TNFSF4: variants seen among roughly 807,000 people sequenced by gnomAD.
TNFSF4 encodes tumor necrosis factor ligand superfamily member 4.
Under a neutral mutation model 7.3 loss-of-function variants are expected in TNFSF4, and 4 were observed. The ratio of observed to expected loss-of-function variants is 0.55; its 90% CI spans 0.27 to 1.25. TNFSF4 has a LOEUF of 1.25. Among genes scored for constraint, TNFSF4 ranks in the 50% most tolerant of loss-of-function variants. TNFSF4 has a pLI of 0.12. For synonymous variants in TNFSF4, 76 were observed against 83.7 expected (o/e 0.91, Z 0.50); for missense variants, 181 against 208.8 (o/e 0.87, Z 0.82).
chr1:173,245,368 G>C, the TNFSF4 span, among the ~76,000 whole-genome samples: 2 of 152,010 alleles, frequency 1.3e-5, no homozygotes, highest in Non-Finnish European at 2.9e-5. Context: ...GATTATTCCA[G>C]GTTCCCTTGC....
At chr1:173,210,535 G>A (rs1650337716), upstream of TNFSF4, among the ~76,000 whole-genome samples, 1 of 152,200 alleles carries the variant, frequency 6.6e-6, no homozygotes, top group African/African-American at 2.4e-5. Context: ...AAGAGGCTCA[G>A]AAGAATCTGT....
At chr1:173,297,844 A>G in the TNFSF4 span, among the ~76,000 whole-genome samples, 1 of 151,958 alleles carries the variant, frequency 6.6e-6, no homozygotes, top group African/African-American at 2.4e-5. Context: ...TGGCCAACCA[A>G]CTGGGAAATG....
chr1:173,195,879 A>G (rs1157839081), intron 1 of TNFSF4, among the ~76,000 whole-genome samples: 5 of 152,168 alleles, frequency 3.3e-5, no homozygotes. Flanking sequence ...AGAGGGAAAC[A>G]CATCTGGAGT....
At chr1:173,414,701 G>T in the TNFSF4 span, among the ~76,000 whole-genome samples, 1 of 152,350 alleles carries the variant, frequency 6.6e-6, no homozygotes, top group Non-Finnish European at 1.5e-5. Flanking sequence ...GTGACTGTCT[G>T]CCAGTCAGCC....
chr1:173,268,990 T>C, the TNFSF4 span, among the ~76,000 whole-genome samples: 1 of 152,216 alleles, frequency 6.6e-6, no homozygotes, highest in South Asian at 2.1e-4. Context: ...GACGAAGTCA[T>C]TTTTCATGTC....
chr1:173,427,925 A>C, the TNFSF4 span, among the ~76,000 whole-genome samples: 1 of 151,690 alleles, frequency 6.6e-6, no homozygotes, highest in Non-Finnish European at 1.5e-5. Flanking sequence ...ATAACTAAGC[A>C]ATGGGAATCT....
Position 173,186,658 on chromosome 1 carries a change from G to T in TNFSF4, c.410C>A (p.Ser137Tyr). The change falls in exon 3 of 3, where the codon TCC becomes TAC. Residue 137 changes from serine (S) to tyrosine (Y), a missense_variant. Physicochemically the swap from Ser to Tyr is moderately radical, Grantham distance 144. Coordinates refer to ENST00000281834, the MANE Select transcript of TNFSF4 (RefSeq NM_003326.5). ...GTAAGTCAGAGAGGCCACCATCAAG[G>T]AGTTGACAGACCTGACCTTCTTCAG... The part of the protein sequence containing the change: ...FQLKKVRSVN[S>Y]LMVASLTYKD... 6.2e-7 allele frequency: 1 copy of T among 1,614,194 alleles called. No individual in the cohort carries two copies.
chr1:173,227,956 A>C, the TNFSF4 span, among the ~76,000 whole-genome samples: 1 of 152,216 alleles, frequency 6.6e-6, no homozygotes, highest in East Asian at 1.9e-4. Context: ...AACTGGGTGG[A>C]GACCACTGCA....
intron 1 of TNFSF4, among the ~76,000 whole-genome samples, chr1:173,206,508 C>T (rs1318472515): frequency 6.6e-6 from 1 of 152,112 alleles, no homozygotes; most frequent in Non-Finnish European, 1.5e-5. Context: ...AATGAGTGAG[C>T]ACATAGGCAC....
the TNFSF4 span, among the ~76,000 whole-genome samples, chr1:173,330,827 C>G: frequency 6.6e-6 from 1 of 151,610 alleles, no homozygotes; most frequent in East Asian, 1.9e-4. Flanking sequence ...AATTTTACTT[C>G]TTTACCTTCA....
intron 1 of TNFSF4, 22 bp downstream of exon 1, chr1:173,207,002 A>T (rs1251360772): frequency 6.3e-7 from 1 of 1,577,634 alleles, no homozygotes; most frequent in Non-Finnish European, 8.7e-7. Context: ...GTGGGAAAAC[A>T]GCGCCCAGTG....
At chr1:173,430,182 C>G in the TNFSF4 span, among the ~76,000 whole-genome samples, 1 of 152,176 alleles carries the variant, frequency 6.6e-6, no homozygotes, top group African/African-American at 2.4e-5. Flanking sequence ...AATCTAATAT[C>G]CAGGCAGCAC....
intron 1 of TNFSF4, among the ~76,000 whole-genome samples, chr1:173,190,342 C>T (rs1167043672): frequency 1.3e-5 from 2 of 152,332 alleles, no homozygotes; most frequent in South Asian, 2.1e-4. Flanking sequence ...TCCCACTCTC[C>T]TGGCACACTG....
the TNFSF4 span, among the ~76,000 whole-genome samples, chr1:173,439,367 A>T: frequency 6.6e-6 from 1 of 152,154 alleles, no homozygotes; most frequent in Non-Finnish European, 1.5e-5. Flanking sequence ...GCAGCACACA[A>T]AATGTTTCTT....
chr1:173,283,332 A>G, the TNFSF4 span, among the ~76,000 whole-genome samples: 3 of 152,270 alleles, frequency 2.0e-5, no homozygotes, highest in Admixed American at 6.5e-5. Context: ...GAGGGAATCA[A>G]TGGGCAACAA....
the TNFSF4 span, among the ~76,000 whole-genome samples, chr1:173,388,707 A>C: frequency 6.6e-6 from 1 of 152,262 alleles, no homozygotes; most frequent in African/African-American, 2.4e-5. Context: ...TTTGTTTTAC[A>C]AAACATAATT....
At chr1:173,419,214 C>T in the TNFSF4 span, among the ~76,000 whole-genome samples, 5 of 152,036 alleles carry the variant, frequency 3.3e-5, no homozygotes, top group Non-Finnish European at 7.4e-5. Flanking sequence ...TGGTGGCGGG[C>T]ACCTGTAGTC....
At chr1:173,445,288 C>A in the TNFSF4 span, among the ~76,000 whole-genome samples, 1 of 152,174 alleles carries the variant, frequency 6.6e-6, no homozygotes, top group Non-Finnish European at 1.5e-5. Context: ...GATTAAGTTT[C>A]TCATTTTATT....
At chr1:173,394,913 TAGATAG>T in the TNFSF4 span, among the ~76,000 whole-genome samples, 1 of 149,748 alleles carries the variant, frequency 6.7e-6, no homozygotes, top group Non-Finnish European at 1.5e-5. Flanking sequence ...AATATTTAGA[TAGATAG>T]AGATAGATAG....
Sources: gnomAD v4.1 joint callset for allele counts (sites outside exome capture counted in the v4.1 genomes callset) on GRCh38, gnomAD v4.1.1 for gene constraint, MANE v1.5 for transcripts, NCBI Gene and HGNC (gene_info 2026-07-23, HGNC 2026-07-21) for gene names.